The following CPAMD8 variants were observed in gnomAD, a reference collection of about 807,000 sequenced individuals.
CPAMD8 encodes the protein C3 and PZP like alpha-2-macroglobulin domain containing 8, also known as C3 and PZP-like alpha-2-macroglobulin domain-containing protein 8.
A neutral mutation model predicts 224.7 loss-of-function variants in CPAMD8; 146 were observed. That is an observed-to-expected ratio of 0.65 (90% confidence interval 0.57 to 0.75). The LOEUF (loss-of-function observed/expected upper bound fraction) is 0.75. CPAMD8 is among the 30% of genes least tolerant of loss of function. CPAMD8 has a pLI of 0.00. For synonymous variants in CPAMD8, 966 were observed against 1,044.6 expected (o/e 0.92, Z 1.45); for missense variants, 2,301 against 2,537.5 (o/e 0.91, Z 2.00).
intron 11 of CPAMD8, among the ~76,000 whole-genome samples, chr19:16,995,729 T>C (rs566189945): frequency 6.6e-6 from 1 of 152,096 alleles, no homozygotes; most frequent in Non-Finnish European, 1.5e-5. Flanking sequence ...AAAATAAGAA[T>C]AATGACTGGG....
At position 16,958,720 on chromosome 19, in the gene CPAMD8, T is replaced by G. The variant is rs552660138; in HGVS notation, c.2214-805A>C. 7.2e-5 allele frequency among the ~76,000 whole-genome samples: 11 copies of G among 152,300 alleles called. No individual in the cohort carries two copies. In the East Asian group the frequency reaches 2.1e-3, roughly 29 times the overall value. On this transcript the variant is annotated intron_variant, in intron 18 of 41. Transcript: ENST00000443236. The stretch of plus-strand genomic sequence containing the variant: ...ACACTGCTTTCCACAATGGTTGAAC[T>G]AATTTACACTCCCATCAACTATGCA...
At chr19:16,966,604 G>A (rs75809299) in intron 18 of CPAMD8, among the ~76,000 whole-genome samples, 2,936 of 152,152 alleles carry the variant, frequency 0.019, 35 homozygotes, top group Middle Eastern at 0.037. Flanking sequence ...CGGACAAAGC[G>A]CTAATATCCA....
chr19:17,008,083 C>G (rs1164573291), intron 7 of CPAMD8, among the ~76,000 whole-genome samples: 2 of 152,188 alleles, frequency 1.3e-5, no homozygotes, highest in Non-Finnish European at 2.9e-5. Flanking sequence ...GCAGGAGACG[C>G]TCTTGAACCC....
In CPAMD8 at chr19:17,022,123, C is replaced by T. The variant is rs199816113; in HGVS notation, c.151G>A (p.Val51Met). Residue 51 changes from valine (V) to methionine (M), a missense_variant, in exon 2 of 42, where the codon GTG (valine) becomes ATG (methionine). Physicochemically the swap from Val to Met is conservative, Grantham distance 21. Coordinates refer to ENST00000443236, the MANE Select transcript of CPAMD8 (RefSeq NM_015692.5). Reference protein sequence around the residue: ...FRAGVEEVISVTIFNSPREVT... With the variant: ...FRAGVEEVISMTIFNSPREVT... ...TCCCTTGGAGAGTTAAAGATGGTCA[C>T]GCTGATGACTTCCTCCACGCCCGCG... The T allele has an allele frequency of 1.2e-4, 189 of 1,607,662 alleles. 1 individual carries two copies. The highest frequency in any genetic ancestry group is 4.3e-4 in the South Asian group (39 of 89,740).
chr19:16,966,061 G>A lies in CPAMD8; in HGVS notation c.2213+4830C>T, dbSNP rs554636729. Among the ~76,000 whole-genome samples the A allele has an allele frequency of 1.4e-4, 22 of 152,126 alleles. No homozygotes were observed. In the East Asian group the frequency reaches 2.9e-3, roughly 20 times the overall value. ...CAATCCTAAGCAAAAAGAACAAAGC[G>A]GGAGGCATCACGCTACCTGAGTTCA... is the stretch of plus-strand genomic sequence containing the variant. On this transcript the variant is annotated intron_variant, in intron 18 of 41. Transcript: ENST00000443236.
At chr19:17,015,237 A>G (rs1405760718) in intron 3 of CPAMD8, among the ~76,000 whole-genome samples, 1 of 152,048 alleles carries the variant, frequency 6.6e-6, no homozygotes, top group Non-Finnish European at 1.5e-5. Context: ...GTGAGACTCC[A>G]TCTCAAAAAA....
chr19:16,893,188 G>A lies in CPAMD8; in HGVS notation c.5578C>T (p.Pro1860Ser), dbSNP rs1313504670. 5.0e-6 allele frequency: 8 copies of A among 1,597,824 alleles called. No individual in the cohort carries two copies. Among genetic ancestry groups the A allele is most frequent in the Non-Finnish European group, 6.8e-6 (8 of 1,168,944 alleles). The part of the protein sequence containing the change: ...VGAHRPGLLS[P>S]VFVYSPAFQS... ...AAGGCTGGGCTGTAGACGAAGACAG[G>A]GCTCAGAAGCCCTGGCCTGTGGGCC... The change falls in exon 42 of 42, where the codon CCT (proline) becomes TCT (serine). Residue 1860 changes from proline to serine, a missense_variant. Physicochemically the swap from Pro to Ser is moderately conservative, Grantham distance 74 (BLOSUM62 -1). Around this residue, in one of 4 missense-constraint regions of CPAMD8, gnomAD observed 1,709 missense variants for 1,753.2 expected, o/e 0.97. Coordinates refer to ENST00000443236, the MANE Select transcript of CPAMD8 (RefSeq NM_015692.5).
chr19:16,929,299 C>A, intron 23 of CPAMD8, 59 bp from the exon 24 acceptor site: 1 of 1,403,770 alleles, frequency 7.1e-7, no homozygotes, highest in Non-Finnish European at 9.8e-7. Context: ...CCCACTTTCC[C>A]TGATGGTACC....
chr19:16,993,359 G>A, intron 12 of CPAMD8, 57 bp downstream of exon 12: 1 of 1,486,576 alleles, frequency 6.7e-7, no homozygotes. Context: ...CAGCCTGGGG[G>A]AGGCCCCAAG....
At position 16,975,130 on chromosome 19, in the gene CPAMD8, C is replaced by T; in HGVS notation, c.2037G>A (p.Trp679Ter). Reference sequence around the variant, plus strand: ...CAAACCCAGAGTCCTTGGTGATGCCCCAAGGCCACGGGAAGACAGAGGAGC... The same window carrying T: ...CAAACCCAGAGTCCTTGGTGATGCCTCAAGGCCACGGGAAGACAGAGGAGC... ...RRRSSVFPWP[W>*]GITKDSGFAF... is the part of the protein sequence containing the mutation. Residue 679 changes from tryptophan to a stop codon, truncating the protein, a stop_gained, in exon 17 of 42, where the codon TGG becomes TGA. Coordinates refer to ENST00000443236, the MANE Select transcript of CPAMD8 (RefSeq NM_015692.5). LOFTEE classifies it high-confidence loss of function. 6.2e-7 allele frequency: 1 copy of T among 1,612,760 alleles called. No homozygotes were observed. Among genetic ancestry groups the T allele is most frequent in the Non-Finnish European group, 8.5e-7 (1 of 1,179,712 alleles).
intron 15 of CPAMD8, 32 bp downstream of exon 15, chr19:16,977,336 C>A (rs960968450): frequency 1.3e-6 from 2 of 1,535,300 alleles, no homozygotes; most frequent in Admixed American, 3.4e-5. Context: ...TGGCCCCTGG[C>A]TGTGTCCCAG....
At chr19:16,970,484 C>T (rs2055020882) in intron 18 of CPAMD8, among the ~76,000 whole-genome samples, 1 of 151,932 alleles carries the variant, frequency 6.6e-6, no homozygotes, top group African/African-American at 2.4e-5. Context: ...ACTCAGGAGG[C>T]TGAGGCAGGA....
chr19:16,896,047 C>T (rs994902243), intron 41 of CPAMD8, 129 bp downstream of exon 41: 6 of 1,026,600 alleles, frequency 5.8e-6, no homozygotes, highest in Non-Finnish European at 9.1e-6. Flanking sequence ...TGAGTCACTC[C>T]CACTGCCAGT....
chr19:17,020,307 T>C, intron 3 of CPAMD8, 24 bp downstream of exon 3: 2 of 1,551,606 alleles, frequency 1.3e-6, no homozygotes, highest in Non-Finnish European at 1.8e-6. Flanking sequence ...GTCAGGTTTA[T>C]GATTTTAAAA....
chr19:16,965,082 T>A (rs949660389), intron 18 of CPAMD8, among the ~76,000 whole-genome samples: 8 of 151,926 alleles, frequency 5.3e-5, no homozygotes, highest in African/African-American at 1.9e-4. Flanking sequence ...AACACGGTGA[T>A]ACCCTGTCTC....
At chr19:16,903,380 C>T (rs1032700693) in intron 34 of CPAMD8, among the ~76,000 whole-genome samples, 181 bp downstream of exon 34, 35 of 143,506 alleles carry the variant, frequency 2.4e-4, no homozygotes, top group African/African-American at 9.8e-4. Context: ...GGTGGCACAC[C>T]TGAGAGGACC....
chr19:16,904,176 A>AGGGCCCCCCCCCCCCCCCCCCCC, intron 32 of CPAMD8, 50 bp downstream of exon 32: 6 of 937,330 alleles, frequency 6.4e-6, no homozygotes, highest in East Asian at 2.6e-5. Flanking sequence ...GACTGCAGGG[A>AGGGCCCCCCCCCCCCCCCCCCCC]CCCCACCCAC....
In CPAMD8 at chr19:16,928,315, G is replaced by A. The variant is rs2053438232; in HGVS notation, c.3145-81C>T. ...CAGGTGGCAGTGACACCAGCTTTGT[G>A]GCCAGGGTCAGAGGCCTCAGCCATG... is the stretch of plus-strand genomic sequence containing the variant. On this transcript the variant is annotated intron_variant, in intron 24 of 41. Coordinates refer to ENST00000443236, the MANE Select transcript of CPAMD8 (RefSeq NM_015692.5). 2.6e-6 allele frequency: 3 copies of A among 1,169,076 alleles called. No homozygotes were observed. The African/African-American group carries it at 4.5e-5, about 18-fold the overall frequency. 72.4% of individuals were successfully genotyped at this position (1,169,076 alleles called of 1,614,324 possible). A position where few individuals can be genotyped will look rare whatever the true frequency, so the allele number is the denominator to read the frequency against.
rs1268950389 is a variant in CPAMD8, at chr19:16,925,334, GGTT to G, written c.3406_3408del (p.Asn1136del). Reference sequence around the variant, plus strand: ...CCACAGCCAAACGGCAGCCGCAGGAGGTTGTTGAGGTGGTTCAGGGTTGGCCCC... The same window carrying G: ...CCACAGCCAAACGGCAGCCGCAGGAGGTTGAGGTGGTTCAGGGTTGGCCCC... On this transcript the variant is annotated inframe_deletion, in exon 26 of 42. Transcript: ENST00000443236. 4 of 1,614,102 alleles carry G rather than the reference GGTT, an allele frequency of 2.5e-6. No individual in the cohort carries two copies. Among genetic ancestry groups the G allele is most frequent in the Non-Finnish European group, 2.5e-6 (3 of 1,180,048 alleles).
Sources: gnomAD v4.1 joint callset for allele counts (sites outside exome capture counted in the v4.1 genomes callset) on GRCh38, gnomAD v4.1.1 for gene constraint, gnomAD v4.1.1 regional missense constraint, MANE v1.5 for transcripts, NCBI Gene and HGNC (gene_info 2026-07-23, HGNC 2026-07-21) for gene names.